Variants in ADGRD1 observed in about 807,000 individuals in gnomAD.
The protein encoded by ADGRD1 is G-protein coupled receptor 133.
A neutral mutation model predicts 113.4 loss-of-function variants in ADGRD1; 77 were observed. That is an observed-to-expected ratio of 0.68 (90% CI 0.57 to 0.82). The LOEUF is 0.82. ADGRD1 is among the 40% of genes least tolerant of loss of function. The pLI, the probability that ADGRD1 is intolerant of heterozygous loss-of-function variation, is 0.00. For synonymous variants in ADGRD1, 474 were observed against 475.0 expected (o/e 1.00, Z 0.03); for missense variants, 1,036 against 1,139.1 (o/e 0.91, Z 1.30).
chr12:131,081,042 CCTGGGAAATATG>C (rs1464477226), intron 14 of ADGRD1, among the ~76,000 whole-genome samples: 2 of 152,086 alleles, frequency 1.3e-5, no homozygotes, highest in Admixed American at 1.3e-4. Context: ...CCCTCTTTAC[CCTGGGAAATATG>C]CGTTACTTTG....
intron 13 of ADGRD1, 31 bp downstream of exon 13, chr12:131,014,371 G>A (rs1329826329): frequency 1.2e-5 from 19 of 1,589,944 alleles, no homozygotes; most frequent in Admixed American, 6.8e-5. Context: ...CCTTGTCGCC[G>A]CCTTTGATCT....
chr12:131,138,298 A>T lies in ADGRD1; in HGVS notation c.2529+69A>T, dbSNP rs574509482. On this transcript the variant is annotated intron_variant, in intron 24 of 24. Transcript: ENST00000261654. ...TTCCCCAGGCTCGGTTGTCAGCAGG[A>T]TGGGGTGTGCAGGCAGCAGAGGTGG... The T allele has an allele frequency of 4.6e-5, 61 of 1,332,902 alleles. No homozygotes were observed. The Admixed American group carries it at 6.2e-4, about 14-fold the overall frequency. The allele number at this position is 1,332,902 out of a possible 1,614,324, so 82.6% of individuals were successfully genotyped here. A position where few individuals can be genotyped will look rare whatever the true frequency, so the allele number is the denominator to read the frequency against.
At chr12:131,033,325 G>C (rs1309150451) in intron 13 of ADGRD1, among the ~76,000 whole-genome samples, 1 of 152,200 alleles carries the variant, frequency 6.6e-6, no homozygotes, top group Non-Finnish European at 1.5e-5. Context: ...GTCATTGCTG[G>C]GGCCAGGGTG....
intron 15 of ADGRD1, among the ~76,000 whole-genome samples, chr12:131,097,113 C>T (rs1304854490): frequency 6.6e-6 from 1 of 152,200 alleles, no homozygotes; most frequent in African/African-American, 2.4e-5. Flanking sequence ...CCTTTCTCTC[C>T]CCTCCCGAGG....
chr12:131,083,676 C>T (rs1417034324), intron 14 of ADGRD1, among the ~76,000 whole-genome samples: 1 of 152,180 alleles, frequency 6.6e-6, no homozygotes, highest in Non-Finnish European at 1.5e-5. Flanking sequence ...CACCAATATT[C>T]ACACCAACAG....
chr12:131,009,043 G>A (rs1566024909), intron 12 of ADGRD1, among the ~76,000 whole-genome samples: 1 of 152,250 alleles, frequency 6.6e-6, no homozygotes, highest in Admixed American at 6.5e-5. Flanking sequence ...AGGGTTGCGG[G>A]GCGGGGGACC....
chr12:131,042,789 G>C (rs1053716021), intron 13 of ADGRD1, among the ~76,000 whole-genome samples: 2 of 152,222 alleles, frequency 1.3e-5, no homozygotes, highest in African/African-American at 2.4e-5. Flanking sequence ...AGCAGCATTC[G>C]AGCCAGAGTT....
intron 9 of ADGRD1, chr12:131,002,765 G>A: frequency 8.0e-7 from 1 of 1,257,132 alleles, no homozygotes; most frequent in Non-Finnish European, 1.0e-6. Context: ...TGGAGAAGGG[G>A]ACAGAGCTGC....
rs371640143 is a variant in ADGRD1, at chr12:131,076,915, C to T, written c.1547+41C>T. On this transcript the variant is annotated intron_variant, in intron 14 of 24. Coordinates refer to ENST00000261654, the MANE Select transcript of ADGRD1 (RefSeq NM_198827.5). ...GGGAGAGCAGGTGGGCATGAGGTGTCCAAGCCCAGGCCCGCCCCATGCCAG... is the reference window on the plus strand; with the variant it reads ...GGGAGAGCAGGTGGGCATGAGGTGTTCAAGCCCAGGCCCGCCCCATGCCAG... The T allele has an allele frequency of 2.0e-5, 31 of 1,522,434 alleles. No homozygotes were observed. In the African/African-American group the frequency reaches 3.7e-4, roughly 18 times the overall value. 94.3% of individuals were successfully genotyped at this position (1,522,434 alleles called of 1,614,324 possible).
intron 20 of ADGRD1, among the ~76,000 whole-genome samples, chr12:131,130,081 G>A (rs1480586350): frequency 6.6e-6 from 1 of 152,244 alleles, no homozygotes; most frequent in African/African-American, 2.4e-5. Context: ...CGCTGCTCCC[G>A]CTTGCTGCTC....
At chr12:130,987,019 C>A in intron 5 of ADGRD1, 76 bp from the exon 6 acceptor site, 1 of 1,319,974 alleles carries the variant, frequency 7.6e-7, no homozygotes, top group Non-Finnish European at 1.1e-6. Flanking sequence ...AAGGATGTGC[C>A]TACAAACAGG....
In ADGRD1 at chr12:131,000,376, C is replaced by T. The variant is rs750691967; in HGVS notation, c.967-7C>T. On this transcript the variant is annotated splice_region_variant and splice_polypyrimidine_tract_variant and intron_variant, in intron 8 of 24. Transcript: ENST00000261654. ...GTGCTGAGCAGTGTCATTTTGTCCA[C>T]CTTTAGACCTTCTTAAAAGCCGTGG... is the stretch of plus-strand genomic sequence containing the variant. The T allele has an allele frequency of 5.0e-6, 8 of 1,612,158 alleles. No individual in the cohort carries two copies. Among genetic ancestry groups the T allele is most frequent in the Non-Finnish European group, 5.9e-6 (7 of 1,178,392 alleles).
At chr12:131,090,681 T>C (rs1886848725) in intron 15 of ADGRD1, among the ~76,000 whole-genome samples, 1 of 152,174 alleles carries the variant, frequency 6.6e-6, no homozygotes, top group Admixed American at 6.5e-5. Flanking sequence ...ACATGGTGAT[T>C]AGGGCCCAGG....
chr12:131,026,420 G>A (rs966115716), intron 13 of ADGRD1: 3 of 152,170 alleles, frequency 2.0e-5, no homozygotes, highest in Non-Finnish European at 4.4e-5. Flanking sequence ...ATCTCTCAGG[G>A]CATTGGAAGG....
At chr12:131,025,133 C>T (rs1037361395) in intron 13 of ADGRD1, among the ~76,000 whole-genome samples, 14 of 152,234 alleles carry the variant, frequency 9.2e-5, no homozygotes, top group African/African-American at 2.9e-4. Flanking sequence ...ATGCAGTCCC[C>T]GTTTTAATGG....
At chr12:130,975,835 C>T (rs746493892) in intron 4 of ADGRD1, among the ~76,000 whole-genome samples, 22 of 152,148 alleles carry the variant, frequency 1.4e-4, no homozygotes, top group Non-Finnish European at 1.9e-4. Context: ...GGCTAAATTC[C>T]GTCTCGAGTA....
rs532900422 is a variant in ADGRD1, at chr12:130,958,504, T to G, written c.103+3844T>G. On this transcript the variant is annotated intron_variant, in intron 2 of 24. Coordinates refer to ENST00000261654, the MANE Select transcript of ADGRD1 (RefSeq NM_198827.5). ...TGTGAGCCACCGCACCCAGCCCCAG[T>G]CCTTCCTTTTTGTCTTCTCTTCCGA... 9.9e-5 allele frequency among the ~76,000 whole-genome samples: 15 copies of G among 152,136 alleles called. No homozygotes were observed. In the South Asian group the frequency reaches 2.5e-3, roughly 25 times the overall value.
chr12:131,034,640 G>A (rs1048196149), intron 13 of ADGRD1, among the ~76,000 whole-genome samples: 2 of 152,196 alleles, frequency 1.3e-5, no homozygotes, highest in Non-Finnish European at 1.5e-5. Context: ...CCTGAGTCTA[G>A]AACAGAACCT....
chr12:130,968,922 T>G, intron 3 of ADGRD1: 2 of 982,090 alleles, frequency 2.0e-6, no homozygotes, highest in Non-Finnish European at 3.1e-6. Flanking sequence ...GTTGGTCCCA[T>G]TTGTCTTTTG....
Sources: gnomAD v4.1 joint callset for allele counts (sites outside exome capture counted in the v4.1 genomes callset) on GRCh38, gnomAD v4.1.1 for gene constraint, MANE v1.5 for transcripts, NCBI Gene and HGNC (gene_info 2026-07-23, HGNC 2026-07-21) for gene names.